SLC26A7: variants seen among roughly 807,000 people sequenced by gnomAD.
SLC26A7 encodes the protein solute carrier family 26 member 7, also known as anion exchange transporter.
SLC26A7 carries 59 observed loss-of-function variants against 82.5 expected under a neutral mutation model. The ratio of observed to expected loss-of-function variants is 0.72; its 90% confidence interval spans 0.58 to 0.89. The LOEUF (loss-of-function observed/expected upper bound fraction) is 0.89, where lower values mean the gene tolerates loss of function less well. SLC26A7 is among the 40% of genes least tolerant of loss of function. The pLI is 0.00. For missense variants in SLC26A7, 820 were observed against 793.0 expected, an observed-to-expected ratio of 1.03 and a Z score of -0.41; for synonymous variants, 271 against 274.3, an observed-to-expected ratio of 0.99 and a Z score of 0.12.
Position 91,217,925 on chromosome 8 carries a change from G to T in SLC26A7, c.-149-965G>T, listed in dbSNP as rs1009979797. On this transcript the variant is annotated intron_variant, in intron 1 of 5. Coordinates refer to the SLC26A7 transcript ENST00000522862. ...AAGTGCTTCACAGCCACTGTTGGAGGTCTGTGTGAAGGGGATGTGACTTAT... is the reference window on the plus strand; with the variant it reads ...AAGTGCTTCACAGCCACTGTTGGAGTTCTGTGTGAAGGGGATGTGACTTAT... 7.9e-5 allele frequency among the ~76,000 whole-genome samples: 12 copies of T among 152,238 alleles called. No homozygotes were observed. The East Asian group carries it at 2.1e-3, about 27-fold the overall frequency.
chr8:91,361,738 T>A (rs2130869065), intron 11 of SLC26A7, among the ~76,000 whole-genome samples: 2 of 152,272 alleles, frequency 1.3e-5, no homozygotes, highest in Middle Eastern at 6.8e-3. Context: ...CTTCGTGTAA[T>A]CTTTTGAAAT....
At chr8:91,362,039 A>G (rs1326395073) in intron 11 of SLC26A7, among the ~76,000 whole-genome samples, 1 of 152,142 alleles carries the variant, frequency 6.6e-6, no homozygotes, top group African/African-American at 2.4e-5. Flanking sequence ...AAATCATGGC[A>G]TGCTTTTGAA....
At chr8:91,390,921 T>C (rs1337567448) in intron 16 of SLC26A7, among the ~76,000 whole-genome samples, 1 of 152,206 alleles carries the variant, frequency 6.6e-6, no homozygotes, top group Non-Finnish European at 1.5e-5. Flanking sequence ...ATGGTTGTTG[T>C]ATATTTTTGT....
intron 16 of SLC26A7, among the ~76,000 whole-genome samples, chr8:91,392,620 C>T (rs1808435078): frequency 6.6e-6 from 1 of 152,182 alleles, no homozygotes; most frequent in South Asian, 2.1e-4. Flanking sequence ...TTCAGCCCTG[C>T]ATGCCTTCAT....
chr8:91,227,356 A>G (rs539726919), intron 2 of SLC26A7, among the ~76,000 whole-genome samples: 38 of 152,210 alleles, frequency 2.5e-4, no homozygotes, highest in Non-Finnish European at 1.5e-4. Context: ...GAGAAACTCA[A>G]GTTTCTTTCA....
chr8:91,292,155 A>T (rs1261500531), intron 3 of SLC26A7, among the ~76,000 whole-genome samples: 1 of 152,130 alleles, frequency 6.6e-6, no homozygotes, highest in Admixed American at 6.5e-5. Context: ...AATACAAAAA[A>T]TTAGCTGGAC....
At chr8:91,219,141 C>T (rs910260376) in intron 2 of SLC26A7, 86 of 423,084 alleles carry the variant, frequency 2.0e-4, no homozygotes, top group Admixed American at 8.2e-4. Flanking sequence ...TCCATTATAA[C>T]GTTCCCAATC....
intron 16 of SLC26A7, 144 bp downstream of exon 16, chr8:91,389,582 C>T: frequency 1.5e-6 from 1 of 673,184 alleles, no homozygotes. Flanking sequence ...AGAACTTTGC[C>T]TACCATCACT....
At chr8:91,375,100 C>T (rs1814473575) in intron 15 of SLC26A7, among the ~76,000 whole-genome samples, 1 of 151,476 alleles carries the variant, frequency 6.6e-6, no homozygotes, top group African/African-American at 2.4e-5. Context: ...AGATCTTTCT[C>T]CACCCCCTTA....
intron 11 of SLC26A7, among the ~76,000 whole-genome samples, chr8:91,360,342 G>A (rs1214944737): frequency 6.6e-6 from 1 of 152,136 alleles, no homozygotes; most frequent in Non-Finnish European, 1.5e-5. Context: ...AATAGGAAGA[G>A]AGCAAGTAGG....
chr8:91,238,634 G>A (rs1249453263), intron 2 of SLC26A7, among the ~76,000 whole-genome samples: 2 of 151,044 alleles, frequency 1.3e-5, no homozygotes, highest in Non-Finnish European at 2.9e-5. Context: ...TTCAAAAAGG[G>A]CACTTTAGAC....
chr8:91,213,091 G>A (rs1445964082), intron 1 of SLC26A7, among the ~76,000 whole-genome samples: 1 of 152,052 alleles, frequency 6.6e-6, no homozygotes, highest in African/African-American at 2.4e-5. Context: ...CTGAAGCTGT[G>A]TATCATCAAA....
intron 9 of SLC26A7, among the ~76,000 whole-genome samples, chr8:91,350,570 C>CT (rs1001229061): frequency 2.4e-4 from 37 of 152,004 alleles, no homozygotes; most frequent in Admixed American, 1.6e-3. Flanking sequence ...TATAATTTAT[C>CT]TTTTTTTCAG....
chr8:91,332,491 T>TACACAC (rs34306717), intron 5 of SLC26A7, among the ~76,000 whole-genome samples: 6,613 of 125,102 alleles, frequency 0.053, 190 homozygotes, highest in Middle Eastern at 0.074. Flanking sequence ...ATATATTTAA[T>TACACAC]ACACACACAC....
intron 2 of SLC26A7, among the ~76,000 whole-genome samples, chr8:91,261,463 A>G (rs1252432741): frequency 6.6e-6 from 1 of 152,110 alleles, no homozygotes; most frequent in Non-Finnish European, 1.5e-5. Flanking sequence ...TGCCTTGAGT[A>G]GATTGTATAA....
chr8:91,307,591 T>C (rs867066917), intron 4 of SLC26A7, among the ~76,000 whole-genome samples: 3,438 of 136,360 alleles, frequency 0.025, 129 homozygotes, highest in African/African-American at 0.089. Context: ...TAGGTGGGAA[T>C]TGAACAATGA....
At chr8:91,306,952 G>GA (rs373145995) in intron 4 of SLC26A7, among the ~76,000 whole-genome samples, 1 of 147,200 alleles carries the variant, frequency 6.8e-6, no homozygotes, top group Non-Finnish European at 1.5e-5. Flanking sequence ...AAATTTACAA[G>GA]AAAAAAACAA....
intron 2 of SLC26A7, among the ~76,000 whole-genome samples, chr8:91,275,066 T>G (rs1174071868): frequency 6.6e-6 from 1 of 152,136 alleles, no homozygotes; most frequent in African/African-American, 2.4e-5. Context: ...TCCACTTCTC[T>G]TATCTCCCTC....
In SLC26A7 at chr8:91,346,396, A is replaced by G. The variant is rs192625166; in HGVS notation, c.1140+2930A>G. Among the ~76,000 whole-genome samples, 3 of 152,288 alleles carry G rather than the reference A, an allele frequency of 2.0e-5. No homozygotes were observed. In the East Asian group the frequency reaches 5.8e-4, roughly 29 times the overall value. ...CCAAGCCTTAAAAGTTTTGTTCTAA[A>G]TAGGCTATTTGTGAAAGCAACTTTC... On this transcript the variant is annotated intron_variant, in intron 9 of 18. Transcript: ENST00000276609.
Sources: allele counts gnomAD v4.1 joint callset (sites outside exome capture counted in the v4.1 genomes callset), GRCh38; gene constraint gnomAD v4.1.1; transcripts MANE v1.5; gene names NCBI Gene and HGNC (gene_info 2026-07-23, HGNC 2026-07-21).